The following PLXNA2 variants were observed in gnomAD, a reference collection of about 807,000 sequenced individuals.
PLXNA2 encodes the protein plexin-A2.
In PLXNA2, 91 loss-of-function variants were observed where a neutral mutation model predicts 193.5. The observed-to-expected ratio is 0.47, with a 90% CI of 0.40 to 0.56. The LOEUF (loss-of-function observed/expected upper bound fraction) is 0.56. PLXNA2 is among the 20% of genes least tolerant of loss of function. The pLI, the probability that PLXNA2 is intolerant of heterozygous loss-of-function variation, is 0.00. For synonymous variants in PLXNA2, 997 were observed against 1,027.3 expected, an observed-to-expected ratio of 0.97 and a Z score of 0.56; for missense variants, 1,995 against 2,503.2, an observed-to-expected ratio of 0.80 and a Z score of 4.33.
intron 13 of PLXNA2, among the ~76,000 whole-genome samples, chr1:208,059,084 C>T (rs890561128): frequency 3.3e-5 from 5 of 152,148 alleles, no homozygotes; most frequent in African/African-American, 1.2e-4. Context: ...AGGTCTGTGT[C>T]CAGGGGCCCA....
chr1:208,096,000 G>C (rs764500916), intron 8 of PLXNA2, 29 bp downstream of exon 8: 3 of 1,559,824 alleles, frequency 1.9e-6, no homozygotes, highest in South Asian at 1.1e-5. Flanking sequence ...TCCAGACCCA[G>C]AGCAAGACCC....
chr1:208,226,237 G>T (rs1239286168), intron 1 of PLXNA2, among the ~76,000 whole-genome samples: 1 of 152,062 alleles, frequency 6.6e-6, no homozygotes, highest in African/African-American at 2.4e-5. Context: ...GAGTGAATCT[G>T]CCACTTGCCA....
intron 3 of PLXNA2, among the ~76,000 whole-genome samples, chr1:208,205,989 C>A (rs900917408): frequency 6.6e-5 from 10 of 152,114 alleles, no homozygotes; most frequent in African/African-American, 2.4e-4. Flanking sequence ...TATTTTTTAA[C>A]CTTTCTTGAC....
intron 3 of PLXNA2, among the ~76,000 whole-genome samples, chr1:208,197,611 T>C (rs1781041): frequency 0.023 from 3,428 of 152,266 alleles, 86 homozygotes; most frequent in East Asian, 0.11. Flanking sequence ...GAGGCCCAAC[T>C]GGGCCCATCA....
At chr1:208,085,411 C>T (rs1315906987) in intron 9 of PLXNA2, among the ~76,000 whole-genome samples, 1 of 152,212 alleles carries the variant, frequency 6.6e-6, no homozygotes, top group East Asian at 1.9e-4. Flanking sequence ...GGAGGCTCCC[C>T]TTTCTCTGTC....
In PLXNA2 at chr1:208,052,386, G is replaced by A; in HGVS notation, c.2934C>T (p.Tyr978=). ...CTGCCACGCTGCTCCCAGCCCCAAG[G>A]TAATGGCCGGTAATGGTCACCATAG... The part of the protein sequence containing the change: ...GGTMVTITGH[Y]LGAGSSVAVY... Residue 978 remains tyrosine (Y), a synonymous_variant, in exon 15 of 32, where the codon TAC becomes TAT. Coordinates refer to ENST00000367033, the MANE Select transcript of PLXNA2 (RefSeq NM_025179.4). 1 of 1,614,038 alleles carries A rather than the reference G, an allele frequency of 6.2e-7. No individual in the cohort carries two copies. The highest frequency in any genetic ancestry group is 8.5e-7 in the Non-Finnish European group (1 of 1,179,976).
intron 4 of PLXNA2, among the ~76,000 whole-genome samples, chr1:208,119,800 A>T (rs953624278): frequency 3.3e-5 from 5 of 152,126 alleles, no homozygotes; most frequent in Non-Finnish European, 7.4e-5. Flanking sequence ...TTTTTAGTAG[A>T]GATGGGGTTT....
At position 208,096,853 on chromosome 1, in the gene PLXNA2, G is replaced by A. The variant is rs201160770; in HGVS notation, c.1762C>T (p.Leu588=). 2 of 1,613,996 alleles carry A rather than the reference G, an allele frequency of 1.2e-6. No homozygotes were observed. The highest frequency in any genetic ancestry group is 3.3e-5 in the Admixed American group (2 of 60,016). ...AAGGCACAGGCGATACCCGCAGATA[G>A]ATCAGGAGCATCACTCACTACCAGG... ...LSLVVSDAPD[L]SAGIACAFGN... Residue 588 remains leucine, a synonymous_variant, in exon 7 of 32, where the codon CTA becomes TTA. Transcript: ENST00000367033.
At chr1:208,033,640 G>T in intron 27 of PLXNA2, 131 bp from the exon 28 acceptor site, 1 of 659,950 alleles carries the variant, frequency 1.5e-6, no homozygotes, top group Non-Finnish European at 2.4e-6. Context: ...GGGGACCGTT[G>T]GGACCTCATA....
intron 12 of PLXNA2, 93 bp from the exon 13 acceptor site, chr1:208,060,930 TCC>T: frequency 2.1e-5 from 23 of 1,101,904 alleles, no homozygotes; most frequent in Non-Finnish European, 2.6e-5. Flanking sequence ...TTTAAGAACC[TCC>T]ATAGGTTCTT....
At chr1:208,081,716 C>T (rs1666348287) in intron 11 of PLXNA2, among the ~76,000 whole-genome samples, 1 of 152,088 alleles carries the variant, frequency 6.6e-6, no homozygotes, top group Admixed American at 6.5e-5. Context: ...GGAAAATAAT[C>T]TCTAATAAAT....
chr1:208,176,833 G>A (rs1669675689), intron 3 of PLXNA2, among the ~76,000 whole-genome samples: 1 of 152,232 alleles, frequency 6.6e-6, no homozygotes, highest in African/African-American at 2.4e-5. Flanking sequence ...TAGCCTGCCT[G>A]TCAGCTGCTT....
chr1:208,195,350 T>C (rs1670322635), intron 3 of PLXNA2, among the ~76,000 whole-genome samples: 1 of 152,094 alleles, frequency 6.6e-6, no homozygotes, highest in Non-Finnish European at 1.5e-5. Context: ...TTTGTGGAGA[T>C]CCGGGAGGGT....
intron 2 of PLXNA2, among the ~76,000 whole-genome samples, chr1:208,213,053 C>T (rs545389760): frequency 6.6e-6 from 1 of 152,164 alleles, no homozygotes; most frequent in Non-Finnish European, 1.5e-5. Flanking sequence ...GCCACAGAGT[C>T]TGGGCACAGG....
intron 9 of PLXNA2, 116 bp from the exon 10 acceptor site, chr1:208,084,696 A>C: frequency 1.6e-5 from 14 of 898,596 alleles, no homozygotes; most frequent in Non-Finnish European, 2.0e-5. Context: ...ATATTACCTC[A>C]TGTAAGGCCC....
intron 3 of PLXNA2, among the ~76,000 whole-genome samples, chr1:208,196,894 T>C (rs1243149666): frequency 6.6e-6 from 1 of 152,210 alleles, no homozygotes; most frequent in Non-Finnish European, 1.5e-5. Context: ...TTGTCCTCTG[T>C]ATCTGGGTAT....
chr1:208,156,682 T>A (rs1668949237), intron 3 of PLXNA2, among the ~76,000 whole-genome samples: 1 of 152,238 alleles, frequency 6.6e-6, no homozygotes, highest in South Asian at 2.1e-4. Flanking sequence ...TTTAATGCTC[T>A]TATTCTGCTG....
intron 3 of PLXNA2, among the ~76,000 whole-genome samples, chr1:208,181,972 G>T (rs1465056519): frequency 6.6e-6 from 1 of 152,104 alleles, no homozygotes; most frequent in Non-Finnish European, 1.5e-5. Context: ...ACTCCTCCCT[G>T]CTCTAGCTGC....
In PLXNA2 at chr1:208,103,207, G is replaced by A. The variant is rs1667151960; in HGVS notation, c.1547C>T (p.Thr516Ile). 6.2e-7 allele frequency: 1 copy of A among 1,614,144 alleles called. No individual in the cohort carries two copies. Among genetic ancestry groups the A allele is most frequent in the Non-Finnish European group, 8.5e-7 (1 of 1,180,016 alleles). Residue 516 changes from threonine (T) to isoleucine (I), a missense_variant, in exon 5 of 32, where the codon ACT (threonine) becomes ATT (isoleucine). Thr to Ile is a moderately conservative substitution (Grantham distance 89). Transcript: ENST00000367033. Reference sequence around the variant, plus strand: ...CCCAGAGCTCAGGCACTCCCCACAAGTCGTATACTGCTCACATGACTCCAC... The same window carrying A: ...CCCAGAGCTCAGGCACTCCCCACAAATCGTATACTGCTCACATGACTCCAC... Reference protein sequence around the residue: ...VPVESCEQYTTCGECLSSGDP... With the variant: ...VPVESCEQYTICGECLSSGDP...
Sources: gnomAD v4.1 joint callset for allele counts (sites outside exome capture counted in the v4.1 genomes callset) on GRCh38, gnomAD v4.1.1 for gene constraint, MANE v1.5 for transcripts, NCBI Gene and HGNC (gene_info 2026-07-23, HGNC 2026-07-21) for gene names.